Variants in HNRNPL observed in about 807,000 individuals in gnomAD.
The protein encoded by HNRNPL is epididymis secretory sperm binding protein.
HNRNPL carries 12 observed loss-of-function variants against 64.0 expected under a neutral mutation model. The ratio of observed to expected loss-of-function variants is 0.19; its 90% CI spans 0.12 to 0.30. HNRNPL has a LOEUF of 0.30. Among genes scored for constraint, HNRNPL ranks in the 10% least tolerant of loss-of-function variants. The pLI, the probability that HNRNPL is intolerant of heterozygous loss-of-function variation, is 1.00. For missense variants in HNRNPL, 484 were observed against 797.4 expected, an observed-to-expected ratio of 0.61 and a Z score of 4.73; for synonymous variants, 385 against 313.0, an observed-to-expected ratio of 1.23 and a Z score of -2.43.
chr19:38,850,514 G>A (rs1272543571), upstream of HNRNPL, among the ~76,000 whole-genome samples: 2 of 152,226 alleles, frequency 1.3e-5, no homozygotes, highest in African/African-American at 4.8e-5. Flanking sequence ...TGGTAGGACT[G>A]TTGATACGCT....
intron 12 of HNRNPL, chr19:38,837,160 A>G (rs1486005844): frequency 5.1e-6 from 3 of 587,406 alleles, no homozygotes; most frequent in Non-Finnish European, 9.1e-6. Flanking sequence ...GACAAGCCTG[A>G]GCAACTCCCA....
intron 1 of HNRNPL, chr19:38,849,499 C>T (rs1051580122): frequency 1.5e-6 from 1 of 685,274 alleles, no homozygotes; most frequent in Non-Finnish European, 2.1e-6. Flanking sequence ...CCACACCCCG[C>T]TCCGGACCCC....
At chr19:38,846,120 C>T (rs1328333713) in intron 2 of HNRNPL, 30 bp from the exon 3 acceptor site, 1 of 1,526,734 alleles carries the variant, frequency 6.5e-7, no homozygotes, top group African/African-American at 1.4e-5. Flanking sequence ...TTTCAATCCT[C>T]TCAGGAAAAT....
intron 10 of HNRNPL, among the ~76,000 whole-genome samples, chr19:38,838,095 CCCT>C (rs1461371179): frequency 6.6e-6 from 1 of 152,214 alleles, no homozygotes; most frequent in East Asian, 1.9e-4. Flanking sequence ...TGAAATTGGG[CCCT>C]CATCACTGGG....
chr19:38,837,401 T>C lies in HNRNPL; in HGVS notation c.1694A>G (p.Tyr565Cys). 6.2e-7 allele frequency: 1 copy of C among 1,614,046 alleles called. No individual in the cohort carries two copies. The highest frequency in any genetic ancestry group is 8.5e-7 in the Non-Finnish European group (1 of 1,179,896). ...ALETLGFLNH[Y>C]QMKNPNGPYP... ...ATACTCACTTGGGTTTTTCATCTGG[T>C]AATGGTTCAGGAAGCCCAGAGTCTC... The change falls in exon 12 of 13, where the codon TAC becomes TGC. Residue 565 changes from tyrosine (Y) to cysteine (C), a missense_variant. Tyr to Cys is a radical substitution (Grantham distance 194, BLOSUM62 -2). This residue lies in a region of HNRNPL where 69 missense variants were observed against 91.8 expected (regional missense o/e 0.75). Coordinates refer to ENST00000221419, the MANE Select transcript of HNRNPL (RefSeq NM_001533.3).
At chr19:38,843,771 G>T in intron 6 of HNRNPL, 71 bp downstream of exon 6, 1 of 1,283,544 alleles carries the variant, frequency 7.8e-7, no homozygotes, top group Non-Finnish European at 1.1e-6. Flanking sequence ...CCTGAGCCCA[G>T]GCCTATTAAG....
At chr19:38,843,937 G>A in intron 5 of HNRNPL, 23 bp from the exon 6 acceptor site, 1 of 1,613,348 alleles carries the variant, frequency 6.2e-7, no homozygotes, top group South Asian at 1.1e-5. Context: ...GACAAGACAA[G>A]ACTTGAGGTC....
chr19:38,838,330 A>G, intron 10 of HNRNPL, 67 bp downstream of exon 10: 1 of 1,357,202 alleles, frequency 7.4e-7, no homozygotes, highest in Non-Finnish European at 1.0e-6. Context: ...GAAAAGACTG[A>G]AATGAATGGC....
chr19:38,844,030 G>T lies in HNRNPL; in HGVS notation c.785C>A (p.Thr262Asn). The T allele has an allele frequency of 6.2e-7, 1 of 1,613,940 alleles. No individual in the cohort carries two copies. The highest frequency in any genetic ancestry group is 8.5e-7 in the Non-Finnish European group (1 of 1,179,776). ...NGADIYSGCC[T>N]LKIEYAKPTR... The stretch of plus-strand genomic sequence containing the variant: ...TACCTTTGCGTATTCGATCTTCAGA[G>T]TGCAACAGCCAGAATAGATATCAGC... Residue 262 changes from threonine (T) to asparagine (N), a missense_variant, in exon 5 of 13, where the codon ACT becomes AAT. Coordinates refer to ENST00000221419, the MANE Select transcript of HNRNPL (RefSeq NM_001533.3).
chr19:38,837,348 A>C, intron 12 of HNRNPL, 36 bp downstream of exon 12: 1 of 1,545,168 alleles, frequency 6.5e-7, no homozygotes, highest in Non-Finnish European at 8.9e-7. Context: ...CCATTAGGTC[A>C]CCAGGTTGAT....
chr19:38,844,707 CCCA>C (rs1205571400), intron 4 of HNRNPL: 1 of 144,668 alleles, frequency 6.9e-6, no homozygotes, highest in African/African-American at 2.5e-5. Flanking sequence ...TCACACATGC[CCCA>C]CCTTTTTTTT....
chr19:38,850,136 C>G, upstream of HNRNPL: 1 of 516,486 alleles, frequency 1.9e-6, no homozygotes, highest in Non-Finnish European at 3.3e-6. Context: ...GCAGGAGGGC[C>G]CGCCCTTGTT....
At chr19:38,849,497 CG>C in intron 1 of HNRNPL, 1 of 663,500 alleles carries the variant, frequency 1.5e-6, no homozygotes, top group Admixed American at 4.4e-5. Flanking sequence ...CCCCACACCC[CG>C]CTCCGGACCC....
intron 2 of HNRNPL, among the ~76,000 whole-genome samples, chr19:38,846,414 C>G (rs187287444): frequency 1.3e-5 from 2 of 152,322 alleles, no homozygotes; most frequent in African/African-American, 4.8e-5. Flanking sequence ...CATCCAGATA[C>G]AGCTCACTAC....
intron 8 of HNRNPL, chr19:38,839,403 G>A (rs905250683): frequency 4.1e-5 from 8 of 196,908 alleles, no homozygotes; most frequent in Non-Finnish European, 8.5e-5. Context: ...AGCAGTGCCG[G>A]CTCTGGAGCC....
At chr19:38,852,022 G>T (rs917574669), upstream of HNRNPL, among the ~76,000 whole-genome samples, 8 of 151,600 alleles carry the variant, frequency 5.3e-5, no homozygotes, top group Admixed American at 1.3e-4. Context: ...GAATGCGGTG[G>T]GGGGAGGGGG....
At chr19:38,842,629 G>C (rs1276284619) in intron 6 of HNRNPL, among the ~76,000 whole-genome samples, 1 of 152,060 alleles carries the variant, frequency 6.6e-6, no homozygotes, top group Non-Finnish European at 1.5e-5. Flanking sequence ...AGAGCTAGTG[G>C]TTTTCTACCC....
chr19:38,851,339 A>C (rs1972499708), upstream of HNRNPL, among the ~76,000 whole-genome samples: 1 of 152,208 alleles, frequency 6.6e-6, no homozygotes, highest in African/African-American at 2.4e-5. Context: ...AGCGCGCCCC[A>C]GTTATCACGC....
rs577535129 is a variant in HNRNPL, at chr19:38,845,535, G to T, written c.710+115C>A. The T allele has an allele frequency of 5.7e-5, 46 of 808,664 alleles. 1 individual carries two copies. In the South Asian group the frequency reaches 7.0e-4, roughly 12 times the overall value. 50.1% of individuals were successfully genotyped at this position (808,664 alleles called of 1,614,324 possible). ...TCACTGGGCTCTGTGAAGGCATCTG[G>T]CACATGGCAGCCACTCCCGTGGTCA... On this transcript the variant is annotated intron_variant, in intron 4 of 12. Coordinates refer to ENST00000221419, the MANE Select transcript of HNRNPL (RefSeq NM_001533.3).
Sources: allele counts gnomAD v4.1 joint callset (sites outside exome capture counted in the v4.1 genomes callset), GRCh38; gene constraint gnomAD v4.1.1; regional missense constraint gnomAD v4.1.1; transcripts MANE v1.5; gene names NCBI Gene and HGNC (gene_info 2026-07-23, HGNC 2026-07-21).